The following CDKAL1 variants were observed in gnomAD, a reference collection of about 807,000 sequenced individuals.
The protein encoded by CDKAL1 is threonylcarbamoyladenosine tRNA methylthiotransferase.
In CDKAL1, 32 loss-of-function variants were observed where a neutral mutation model predicts 68.2. The ratio of observed to expected loss-of-function variants is 0.47; its 90% confidence interval spans 0.35 to 0.63. CDKAL1 has a LOEUF of 0.63. Among genes scored for constraint, CDKAL1 ranks in the 30% least tolerant of loss-of-function variants. The pLI is 0.00. For missense variants in CDKAL1, 606 were observed against 696.7 expected (o/e 0.87, Z 1.47); for synonymous variants, 234 against 244.3 (o/e 0.96, Z 0.39).
chr6:20,857,860 T>C (rs796956272), intron 9 of CDKAL1, among the ~76,000 whole-genome samples: 4 of 152,264 alleles, frequency 2.6e-5, no homozygotes, highest in Non-Finnish European at 4.4e-5. Flanking sequence ...CAGATTCTTT[T>C]TGGGGAATTT....
At position 20,943,007 on chromosome 6, in the gene CDKAL1, C is replaced by G. The variant is rs185492662; in HGVS notation, c.743-12412C>G. Among the ~76,000 whole-genome samples, 705 of 147,662 alleles carry G rather than the reference C, an allele frequency of 4.8e-3. 7 individuals carry two copies. Among genetic ancestry groups the G allele is most frequent in the African/African-American group, 0.017 (677 of 40,296 alleles). ...TATTTTATATATACCCACATGTTTG[C>G]CATTTCTGGTCCAATTCTTTTCTTT... is the stretch of plus-strand genomic sequence containing the variant. On this transcript the variant is annotated intron_variant, in intron 9 of 15. Coordinates refer to ENST00000274695, the MANE Select transcript of CDKAL1 (RefSeq NM_017774.3).
chr6:20,642,213 G>C (rs1768211116), intron 4 of CDKAL1, among the ~76,000 whole-genome samples: 1 of 152,054 alleles, frequency 6.6e-6, no homozygotes, highest in South Asian at 2.1e-4. Context: ...TAGAGGAAGT[G>C]TTCTAATAAT....
chr6:21,207,518 CA>C lies in CDKAL1; in HGVS notation c.1548+6253del, dbSNP rs551344906. 2.0e-4 allele frequency among the ~76,000 whole-genome samples: 30 copies of C among 150,004 alleles called. No homozygotes were observed. In the South Asian group the frequency reaches 6.1e-3, roughly 31 times the overall value. On this transcript the variant is annotated intron_variant, in intron 15 of 15. Coordinates refer to ENST00000274695, the MANE Select transcript of CDKAL1 (RefSeq NM_017774.3). ...TGAAAGAATGAAACCTTATCTCAAG[CA>C]AAAAAAAAGTACTTTGCGTTCATGG...
intron 4 of CDKAL1, among the ~76,000 whole-genome samples, chr6:20,583,232 A>G (rs1244369262): frequency 6.6e-6 from 1 of 152,004 alleles, no homozygotes; most frequent in Non-Finnish European, 1.5e-5. Context: ...TACTCTTTTT[A>G]CCCAATTCCT....
intron 13 of CDKAL1, among the ~76,000 whole-genome samples, chr6:21,121,999 C>T (rs1774746017): frequency 6.6e-6 from 1 of 152,174 alleles, no homozygotes; most frequent in South Asian, 2.1e-4. Context: ...GACCTTATCA[C>T]AAACCACCTG....
chr6:21,048,261 A>G (rs184239048), intron 11 of CDKAL1, among the ~76,000 whole-genome samples: 16 of 152,324 alleles, frequency 1.1e-4, no homozygotes, highest in South Asian at 1.0e-3. Flanking sequence ...TTTATTTACA[A>G]AATCAGACAA....
chr6:20,763,275 T>A (rs754546371), intron 7 of CDKAL1, among the ~76,000 whole-genome samples: 9 of 152,160 alleles, frequency 5.9e-5, no homozygotes, highest in Non-Finnish European at 1.2e-4. Context: ...TCTTGTCTGG[T>A]GACCCTCCCT....
intron 11 of CDKAL1, among the ~76,000 whole-genome samples, chr6:21,053,858 C>G (rs1770679535): frequency 6.6e-6 from 1 of 152,122 alleles, no homozygotes; most frequent in Admixed American, 6.5e-5. Context: ...AGTTTGGATA[C>G]AAGTCTTTTT....
At chr6:20,901,723 C>T (rs1328246976) in intron 9 of CDKAL1, among the ~76,000 whole-genome samples, 2 of 145,760 alleles carry the variant, frequency 1.4e-5, no homozygotes, top group Non-Finnish European at 3.0e-5. Flanking sequence ...CACAGTTTTT[C>T]CAGCAACTCA....
intron 15 of CDKAL1, among the ~76,000 whole-genome samples, chr6:21,222,211 G>A (rs1779562864): frequency 6.6e-6 from 1 of 152,186 alleles, no homozygotes; most frequent in African/African-American, 2.4e-5. Context: ...GTATGTATGT[G>A]TGTGTTCAAG....
intron 4 of CDKAL1, among the ~76,000 whole-genome samples, chr6:20,589,666 A>C (rs998045494): frequency 1.5e-4 from 23 of 152,216 alleles, no homozygotes; most frequent in Non-Finnish European, 2.1e-4. Flanking sequence ...GAAAAAGAAC[A>C]TACTACTAAA....
chr6:20,986,905 T>C (rs1452270751), intron 10 of CDKAL1, among the ~76,000 whole-genome samples: 4 of 152,182 alleles, frequency 2.6e-5, no homozygotes, highest in African/African-American at 7.2e-5. Flanking sequence ...GAAAAGTTTA[T>C]GAACCAGAAA....
At chr6:20,703,359 G>A (rs908021995) in intron 5 of CDKAL1, among the ~76,000 whole-genome samples, 1 of 152,014 alleles carries the variant, frequency 6.6e-6, no homozygotes, top group African/African-American at 2.4e-5. Context: ...AGACTATATG[G>A]CTCACAAAAT....
chr6:20,779,896 T>C (rs1775340618), intron 7 of CDKAL1, among the ~76,000 whole-genome samples: 1 of 152,080 alleles, frequency 6.6e-6, no homozygotes, highest in African/African-American at 2.4e-5. Context: ...CATTGACTCT[T>C]ACTCTCATAG....
chr6:20,842,160 G>T (rs1405875778), intron 8 of CDKAL1, among the ~76,000 whole-genome samples: 1 of 151,978 alleles, frequency 6.6e-6, no homozygotes, highest in Admixed American at 6.6e-5. Context: ...TGAAATGATT[G>T]GTCAACATAA....
chr6:21,000,171 A>C (rs562707919), intron 10 of CDKAL1, 56 bp from the exon 11 acceptor site: 1 of 1,465,648 alleles, frequency 6.8e-7, no homozygotes, highest in South Asian at 1.2e-5. Flanking sequence ...GATGTGAGGA[A>C]AACCATTCCA....
At chr6:20,564,411 A>C (rs768950700) in intron 4 of CDKAL1, among the ~76,000 whole-genome samples, 6 of 152,178 alleles carry the variant, frequency 3.9e-5, no homozygotes, top group Non-Finnish European at 7.4e-5. Context: ...TAATATTTTA[A>C]TTTGCATTTT....
At chr6:20,842,664 T>A (rs1778222469) in intron 8 of CDKAL1, among the ~76,000 whole-genome samples, 1 of 152,090 alleles carries the variant, frequency 6.6e-6, no homozygotes. Context: ...AAACCCTGTC[T>A]CTACTAAAAA....
chr6:20,616,963 G>A lies in CDKAL1; in HGVS notation c.287-32330G>A, dbSNP rs720448. Among the ~76,000 whole-genome samples, 334 of 150,178 alleles carry A rather than the reference G, an allele frequency of 2.2e-3. 5 individuals are homozygous for A. The highest frequency in any genetic ancestry group is 0.012 in the Admixed American group (178 of 14,912). On this transcript the variant is annotated intron_variant, in intron 4 of 15. Coordinates refer to ENST00000274695, the MANE Select transcript of CDKAL1 (RefSeq NM_017774.3). Reference sequence around the variant, plus strand: ...GCTTAGGCTGGAGAATCACCTGAGTGCACGAAGTTGAGGCTGCAGTGAGCT... The same window carrying A: ...GCTTAGGCTGGAGAATCACCTGAGTACACGAAGTTGAGGCTGCAGTGAGCT...
Sources: allele counts gnomAD v4.1 joint callset (sites outside exome capture counted in the v4.1 genomes callset), GRCh38; gene constraint gnomAD v4.1.1; transcripts MANE v1.5; gene names NCBI Gene and HGNC (gene_info 2026-07-23, HGNC 2026-07-21).